NLRP12: variants seen among roughly 807,000 people sequenced by gnomAD.
The protein encoded by NLRP12 is NACHT, LRR and PYD domains-containing protein 12.
Under a neutral mutation model 91.2 loss-of-function variants are expected in NLRP12, and 108 were observed. That is an observed-to-expected ratio of 1.18 (90% CI 1.01 to 1.39). NLRP12 has a LOEUF of 1.39. Ranked by LOEUF, NLRP12 falls within the 40% of genes most tolerant of loss-of-function variation. The pLI, the probability that NLRP12 is intolerant of heterozygous loss-of-function variation, is 0.00. For synonymous variants in NLRP12, 613 were observed against 566.7 expected (o/e 1.08, Z -1.16); for missense variants, 1,530 against 1,352.7 (o/e 1.13, Z -2.06).
chr19:53,796,033 G>C lies in NLRP12; in HGVS notation c.2928-4C>G, dbSNP rs980154436. ...TGTGAGGCCACAGCTATCCAGCCTG[G>C]TGAAGATAAGGAGTTGGTTAAGGTA... On this transcript the variant is annotated splice_polypyrimidine_tract_variant and splice_region_variant and intron_variant, in intron 8 of 9. Coordinates refer to ENST00000324134, the MANE Select transcript of NLRP12 (RefSeq NM_144687.4). The C allele has an allele frequency of 1.7e-5, 27 of 1,613,912 alleles. No homozygotes were observed. The highest frequency in any genetic ancestry group is 2.1e-5 in the Non-Finnish European group (25 of 1,179,900).
chr19:53,823,114 T>TATATATACACATATATACACACACACAC (rs1165905518), intron 1 of NLRP12, among the ~76,000 whole-genome samples: 2 of 150,444 alleles, frequency 1.3e-5, no homozygotes, highest in Non-Finnish European at 3.0e-5. Flanking sequence ...TACACACACA[T>TATATATACACATATATACACACACACAC]ATATATACAC....
At chr19:53,817,086 T>G (rs1227057196) in intron 1 of NLRP12, among the ~76,000 whole-genome samples, 3 of 145,184 alleles carry the variant, frequency 2.1e-5, no homozygotes, top group African/African-American at 7.6e-5. Context: ...GGTCAGGAGA[T>G]CGAGACCATC....
Position 53,810,152 on chromosome 19 carries a change from CCTT to C in NLRP12, c.1504_1506del (p.Lys502del), listed in dbSNP as rs1403147116. The C allele has an allele frequency of 6.2e-7, 1 of 1,614,156 alleles. No homozygotes were observed. The highest frequency in any genetic ancestry group is 8.5e-7 in the Non-Finnish European group (1 of 1,180,024). ...CTGTAGTACCTCTCACAGTTGATGTCCTTCTGGAAGATGTTCATGTTGAGGAAG... is the reference window on the plus strand; with the variant it reads ...CTGTAGTACCTCTCACAGTTGATGTCCTGGAAGATGTTCATGTTGAGGAAG... On this transcript the variant is annotated inframe_deletion, in exon 3 of 10. Transcript: ENST00000324134.
Position 53,814,971 on chromosome 19 carries a change from G to A in NLRP12, c.307C>T (p.Pro103Ser). The A allele has an allele frequency of 6.2e-7, 1 of 1,613,914 alleles. No individual in the cohort carries two copies. Among genetic ancestry groups the A allele is most frequent in the East Asian group, 2.2e-5 (1 of 44,866 alleles). The change falls in exon 2 of 10, where the codon CCG (proline) becomes TCG (serine). Residue 103 changes from proline to serine, a missense_variant. Physicochemically the swap from Pro to Ser is moderately conservative, Grantham distance 74 (BLOSUM62 -1). Coordinates refer to ENST00000324134, the MANE Select transcript of NLRP12 (RefSeq NM_144687.4). The stretch of plus-strand genomic sequence containing the variant: ...GTTGACTGGTTCCCAAGTGAGGACG[G>A]GCCACCAGGTGGGGTATCTGGAAGA... ...DLVRDTPPGGPSSLGNQSTCL... is the reference protein window; with the variant it reads ...DLVRDTPPGGSSSLGNQSTCL...
At position 53,809,916 on chromosome 19, in the gene NLRP12, C is replaced by A. The variant is rs762543085; in HGVS notation, c.1743G>T (p.Trp581Cys). The A allele has an allele frequency of 2.0e-5, 33 of 1,613,974 alleles. No homozygotes were observed. Among genetic ancestry groups the A allele is most frequent in the Non-Finnish European group, 2.7e-5 (32 of 1,180,052 alleles). The change falls in exon 3 of 10, where the codon TGG becomes TGT. Residue 581 changes from tryptophan to cysteine, a missense_variant. By Grantham distance (215) the Trp-to-Cys change is radical (BLOSUM62 -2). Coordinates refer to ENST00000324134, the MANE Select transcript of NLRP12 (RefSeq NM_144687.4). ...CCATCTTGATGTGCGGCGAGACCTT[C>A]CAGCAGAGACTCTTCTCCAGGTGGC... ...TRSHLEKSLC[W>C]KVSPHIKMDL...
chr19:53,799,319 A>ATTTTTTG (rs368315706), intron 7 of NLRP12, among the ~76,000 whole-genome samples: 4 of 151,516 alleles, frequency 2.6e-5, no homozygotes, highest in South Asian at 2.1e-4. Flanking sequence ...CGCGTGTGTG[A>ATTTTTTG]TTTTTTGTTT....
rs1233156862 is a variant in NLRP12 at position 53,810,027 on chromosome 19, C to T, written c.1632G>A (p.Leu544=). Residue 544 remains leucine (L), a synonymous_variant, in exon 3 of 10, where the codon CTG becomes CTA. Coordinates refer to ENST00000324134, the MANE Select transcript of NLRP12 (RefSeq NM_144687.4). The part of the protein sequence containing the change: ...GAGPDQDVTR[L]LTEYAFSERS... Reference sequence around the variant, plus strand: ...TTTCAGAAAACGCGTACTCGGTCAACAGCCTGGTCACGTCCTGGTCTGGGC... The same window carrying T: ...TTTCAGAAAACGCGTACTCGGTCAATAGCCTGGTCACGTCCTGGTCTGGGC... 6 of 1,614,144 alleles carry T rather than the reference C, an allele frequency of 3.7e-6. No individual in the cohort carries two copies. The Middle Eastern group carries it at 4.9e-4, about 133-fold the overall frequency.
At position 53,811,146 on chromosome 19, in the gene NLRP12, C is replaced by T; in HGVS notation, c.513G>A (p.Gln171=). 3 of 1,614,106 alleles carry T rather than the reference C, an allele frequency of 1.9e-6. No homozygotes were observed. The highest frequency in any genetic ancestry group is 2.2e-5 in the South Asian group (2 of 91,082). ...LLVKEHSNPM[Q]VQQQLLDTGR... is the part of the protein sequence containing the mutation. ...CTGTGTCCAGAAGCTGCTGCTGGAC[C>T]TGCATGGGGTTTGAGTGCTCCTTCA... is the stretch of plus-strand genomic sequence containing the variant. The change falls in exon 3 of 10, where the codon CAG becomes CAA. Residue 171 remains glutamine (Q), a synonymous_variant. Coordinates refer to ENST00000324134, the MANE Select transcript of NLRP12 (RefSeq NM_144687.4).
chr19:53,813,695 C>G (rs1016801257), intron 2 of NLRP12, among the ~76,000 whole-genome samples: 2 of 149,856 alleles, frequency 1.3e-5, no homozygotes, highest in African/African-American at 4.9e-5. Flanking sequence ...CCTCTCCCGC[C>G]TTTTTTTTTG....
Position 53,807,535 on chromosome 19 carries a change from G to T in NLRP12, c.2203C>A (p.Gln735Lys). The change falls in exon 4 of 10, where the codon CAA (glutamine) becomes AAA (lysine). Residue 735 changes from glutamine (Q) to lysine (K), a missense_variant. Gln to Lys is a moderately conservative substitution (Grantham distance 53, BLOSUM62 1). Transcript: ENST00000324134. Reference sequence around the variant, plus strand: ...TTGCAGTTGGGGTGTCTGAGTCCTTGACAGAGCAGCTTCACCCCCCGGCTG... The same window carrying T: ...TTGCAGTTGGGGTGTCTGAGTCCTTTACAGAGCAGCTTCACCCCCCGGCTG... The part of the protein sequence containing the change: ...LGSRGVKLLC[Q>K]GLRHPNCKLQ... The T allele has an allele frequency of 6.2e-7, 1 of 1,614,154 alleles. No homozygotes were observed. Among genetic ancestry groups the T allele is most frequent in the African/African-American group, 1.3e-5 (1 of 75,056 alleles).
chr19:53,823,428 A>AAAATAT, intron 1 of NLRP12, among the ~76,000 whole-genome samples: 1 of 69,064 alleles, frequency 1.4e-5, no homozygotes, highest in Non-Finnish European at 2.8e-5. Context: ...TTAAATATAT[A>AAAATAT]TATTTAAAAT....
intron 1 of NLRP12, 86 bp from the exon 2 acceptor site, chr19:53,815,074 T>C: frequency 1.0e-6 from 1 of 993,170 alleles, no homozygotes; most frequent in Non-Finnish European, 1.6e-6. Flanking sequence ...TCGAAATGCC[T>C]GCATAACTCC....
At chr19:53,813,496 G>C (rs1487128762) in intron 2 of NLRP12, among the ~76,000 whole-genome samples, 1 of 151,146 alleles carries the variant, frequency 6.6e-6, no homozygotes. Context: ...TAGAGACAAG[G>C]TTTCACCGTG....
chr19:53,800,143 A>G (rs954829191), intron 7 of NLRP12, among the ~76,000 whole-genome samples: 3 of 152,066 alleles, frequency 2.0e-5, no homozygotes, highest in Admixed American at 6.6e-5. Context: ...TACTAAAAAA[A>G]TGTTTTTAAA....
intron 7 of NLRP12, among the ~76,000 whole-genome samples, chr19:53,798,977 G>T (rs924214805): frequency 1.3e-5 from 2 of 150,476 alleles, no homozygotes; most frequent in Admixed American, 1.3e-4. Flanking sequence ...CCTGACCTTA[G>T]GTGATCCACC....
intron 9 of NLRP12, 38 bp downstream of exon 9, chr19:53,795,821 C>T (rs868686617): frequency 6.2e-7 from 1 of 1,604,718 alleles, no homozygotes; most frequent in South Asian, 1.1e-5. Flanking sequence ...AGCCCAATGT[C>T]CAGCCTCCTC....
Position 53,810,400 on chromosome 19 carries a change from C to G in NLRP12, c.1259G>C (p.Gly420Ala), listed in dbSNP as rs755858986. ...GGACGTCTGTCTCAACAGCCCCCCA[C>G]CCTCCAGCTGCTGCTGGAGGCAGGT... is the stretch of plus-strand genomic sequence containing the variant. ...VCTCLQQQLEGGGLLRQTSRT... is the reference protein window; with the variant it reads ...VCTCLQQQLEAGGLLRQTSRT... The change falls in exon 3 of 10, where the codon GGT (glycine) becomes GCT (alanine). Residue 420 changes from glycine (G) to alanine (A), a missense_variant. Coordinates refer to ENST00000324134, the MANE Select transcript of NLRP12 (RefSeq NM_144687.4). The G allele has an allele frequency of 6.2e-7, 1 of 1,613,786 alleles. No homozygotes were observed.
chr19:53,802,623 T>C (rs1217178369), intron 6 of NLRP12, among the ~76,000 whole-genome samples: 2 of 150,084 alleles, frequency 1.3e-5, no homozygotes, highest in African/African-American at 2.5e-5. Context: ...AGGAGAATGG[T>C]GTGAACCCGG....
chr19:53,820,578 G>T (rs1298591970), intron 1 of NLRP12, among the ~76,000 whole-genome samples: 1 of 151,962 alleles, frequency 6.6e-6, no homozygotes, highest in African/African-American at 2.4e-5. Flanking sequence ...GCTCTGTGGT[G>T]CACACCTGTA....
Sources: allele counts gnomAD v4.1 joint callset (sites outside exome capture counted in the v4.1 genomes callset), GRCh38; gene constraint gnomAD v4.1.1; transcripts MANE v1.5; gene names NCBI Gene and HGNC (gene_info 2026-07-23, HGNC 2026-07-21).